Variants in DTWD2 observed in about 807,000 individuals in gnomAD.
DTWD2 encodes the protein DTW motif tRNA-uridine aminocarboxypropyltransferase 2, also known as tRNA-uridine aminocarboxypropyltransferase 2.
A neutral mutation model predicts 31.8 loss-of-function variants in DTWD2; 39 were observed. The ratio of observed to expected loss-of-function variants is 1.22; its 90% CI spans 0.95 to 1.60. The LOEUF (loss-of-function observed/expected upper bound fraction) is 1.60. DTWD2 is among the 40% of genes most tolerant of loss of function. DTWD2 has a pLI of 0.00. For synonymous variants in DTWD2, 180 were observed against 142.8 expected (o/e 1.26, Z -1.86); for missense variants, 515 against 381.5 (o/e 1.35, Z -2.92).
intron 5 of DTWD2, among the ~76,000 whole-genome samples, chr5:118,844,829 C>A (rs1244730209): frequency 1.3e-5 from 2 of 152,074 alleles, no homozygotes; most frequent in African/African-American, 4.8e-5. Context: ...TAGAATGAAG[C>A]CAAGTGAAAA....
intron 2 of DTWD2, among the ~76,000 whole-genome samples, chr5:118,940,089 G>C (rs1028213808): frequency 6.6e-6 from 1 of 152,180 alleles, no homozygotes; most frequent in African/African-American, 2.4e-5. Flanking sequence ...AGTATGGAAA[G>C]AGAACAAAAA....
chr5:118,942,204 C>T (rs1053578281), intron 2 of DTWD2, among the ~76,000 whole-genome samples: 5 of 152,132 alleles, frequency 3.3e-5, no homozygotes, highest in African/African-American at 1.2e-4. Flanking sequence ...TAGATGAAAA[C>T]TGGAAAATTC....
rs367572947 is a variant in DTWD2, at chr5:118,883,389, C to A, written c.598-35171G>T. Among the ~76,000 whole-genome samples, 3 of 152,320 alleles carry A rather than the reference C, an allele frequency of 2.0e-5. No homozygotes were observed. In the East Asian group the frequency reaches 5.8e-4, roughly 29 times the overall value. On this transcript the variant is annotated intron_variant, in intron 4 of 5. Coordinates refer to ENST00000510708, the MANE Select transcript of DTWD2 (RefSeq NM_173666.4). ...TTCTGAGCCCTCCAAACTGTTCCAACCTCTGCCTGTTACCAAATTCCAAAG... is the reference window on the plus strand; with the variant it reads ...TTCTGAGCCCTCCAAACTGTTCCAAACTCTGCCTGTTACCAAATTCCAAAG...
chr5:118,874,179 T>C (rs374861435), intron 4 of DTWD2, among the ~76,000 whole-genome samples: 136 of 151,858 alleles, frequency 9.0e-4, no homozygotes, highest in Non-Finnish European at 8.4e-4. Context: ...TCAAACAAGA[T>C]AAAAGAAAAA....
chr5:118,955,798 TA>T (rs70982460), intron 1 of DTWD2, among the ~76,000 whole-genome samples: 2,184 of 138,352 alleles, frequency 0.016, 29 homozygotes, highest in African/African-American at 0.034. Flanking sequence ...CCCTATCTCT[TA>T]AAAAAAAAAA....
At chr5:118,853,215 C>T (rs747603723) in intron 4 of DTWD2, among the ~76,000 whole-genome samples, 1 of 152,110 alleles carries the variant, frequency 6.6e-6, no homozygotes, top group East Asian at 1.9e-4. Flanking sequence ...ATCTAAAATA[C>T]AAGTTGAAAT....
chr5:118,876,561 A>T (rs201647515), intron 4 of DTWD2, among the ~76,000 whole-genome samples: 3 of 152,202 alleles, frequency 2.0e-5, no homozygotes, highest in African/African-American at 7.2e-5. Context: ...ATTACCACTG[A>T]CCCCACAGAA....
At position 118,845,624 on chromosome 5, in the gene DTWD2, G is replaced by T. The variant is rs950084711; in HGVS notation, c.726+2466C>A. ...TATCCTTTTTCTACTCCTGGCCACT[G>T]CAGTACAATTACTCCTGGCAACCAA... On this transcript the variant is annotated intron_variant, in intron 5 of 5. Transcript: ENST00000510708. Among the ~76,000 whole-genome samples, 10 of 152,100 alleles carry T rather than the reference G, an allele frequency of 6.6e-5. No individual in the cohort carries two copies. The East Asian group carries it at 1.7e-3, about 26-fold the overall frequency.
At chr5:118,935,134 A>T (rs903543234) in intron 3 of DTWD2, among the ~76,000 whole-genome samples, 3 of 152,136 alleles carry the variant, frequency 2.0e-5, no homozygotes, top group Non-Finnish European at 1.5e-5. Context: ...CCAAGCAGAC[A>T]GGGTTCAGAG....
Position 118,836,683 on chromosome 5 carries a change from G to A in DTWD2, c.*4234C>T, listed in dbSNP as rs1467785035. ...CCTTAATTCCCGAGGTATAGTATTA[G>A]GAAGTGGAACCTTTGGGGGATGATT... On this transcript the variant is annotated 3_prime_UTR_variant, in exon 6 of 6. Transcript: ENST00000510708. Among the ~76,000 whole-genome samples the A allele has an allele frequency of 6.6e-6, 1 of 152,202 alleles. No individual in the cohort carries two copies. The highest frequency in any genetic ancestry group is 6.5e-5 in the Admixed American group (1 of 15,274).
chr5:118,845,031 C>G (rs1359856453), intron 5 of DTWD2, among the ~76,000 whole-genome samples: 6 of 152,110 alleles, frequency 3.9e-5, no homozygotes, highest in Non-Finnish European at 7.4e-5. Flanking sequence ...CCTGTAGTCC[C>G]AGCTACTTGG....
intron 1 of DTWD2, among the ~76,000 whole-genome samples, chr5:118,985,934 T>G (rs1237369561): frequency 6.6e-6 from 1 of 152,178 alleles, no homozygotes; most frequent in Non-Finnish European, 1.5e-5. Flanking sequence ...CCCATTTAAA[T>G]AGATATGCCA....
Position 118,988,518 on chromosome 5 carries a change from C to T in DTWD2, c.-7G>A. On this transcript the variant is annotated 5_prime_UTR_variant, in exon 1 of 6. Coordinates refer to ENST00000510708, the MANE Select transcript of DTWD2 (RefSeq NM_173666.4). ...CCTCTTTCTGCGACTCCATGGCGGA[C>T]ACTCCGGTCAGGCCGTGGCATTGAA... 1.3e-6 allele frequency: 2 copies of T among 1,545,166 alleles called. No homozygotes were observed. The highest frequency in any genetic ancestry group is 2.4e-5 in the South Asian group (2 of 83,578).
chr5:118,856,104 G>A (rs1276381167), intron 4 of DTWD2, among the ~76,000 whole-genome samples: 1 of 152,090 alleles, frequency 6.6e-6, no homozygotes, highest in Non-Finnish European at 1.5e-5. Context: ...TTCACTTACG[G>A]ATGTCCATAA....
intron 2 of DTWD2, 27 bp downstream of exon 2, chr5:118,944,532 G>C: frequency 6.2e-7 from 1 of 1,601,494 alleles, no homozygotes; most frequent in Non-Finnish European, 8.5e-7. Context: ...TATTCTATTT[G>C]AAATCCTGTA....
intron 4 of DTWD2, among the ~76,000 whole-genome samples, chr5:118,866,055 G>C (rs890284915): frequency 6.6e-6 from 1 of 151,908 alleles, no homozygotes. Flanking sequence ...CTGGGAAGGA[G>C]AGTAACTGAT....
intron 1 of DTWD2, among the ~76,000 whole-genome samples, chr5:118,969,751 C>G (rs1292106513): frequency 6.6e-6 from 1 of 152,128 alleles, no homozygotes; most frequent in African/African-American, 2.4e-5. Context: ...TGCAAAAACG[C>G]TGAAAACTCA....
chr5:118,885,154 A>G (rs7716357), intron 4 of DTWD2, among the ~76,000 whole-genome samples: 1,590 of 142,758 alleles, frequency 0.011, 30 homozygotes, highest in African/African-American at 0.039. Context: ...ACAAAAAATT[A>G]AAAAAAAAAA....
At chr5:118,960,756 A>T (rs1230828924) in intron 1 of DTWD2, among the ~76,000 whole-genome samples, 1 of 152,192 alleles carries the variant, frequency 6.6e-6, no homozygotes. Flanking sequence ...CATAAAAAAA[A>T]ACAAAATCAT....
Sources: gnomAD v4.1 joint callset for allele counts (sites outside exome capture counted in the v4.1 genomes callset) on GRCh38, gnomAD v4.1.1 for gene constraint, MANE v1.5 for transcripts, NCBI Gene and HGNC (gene_info 2026-07-23, HGNC 2026-07-21) for gene names.